DHX57: variants seen among roughly 807,000 people sequenced by gnomAD.
DHX57 encodes DExH-box helicase 57.
Under a neutral mutation model 156.2 loss-of-function variants are expected in DHX57, and 105 were observed. That is an observed-to-expected ratio of 0.67 (90% confidence interval 0.57 to 0.79). The LOEUF is 0.79. Ranked by LOEUF, DHX57 falls within the 30% of genes least tolerant of loss-of-function variation. DHX57 has a pLI of 0.00. For missense variants in DHX57, 1,847 were observed against 1,661.9 expected (o/e 1.11, Z -1.94); for synonymous variants, 704 against 595.6 (o/e 1.18, Z -2.65).
At chr2:38,875,468 C>A (rs1050958692) in intron 1 of DHX57, among the ~76,000 whole-genome samples, 1 of 152,174 alleles carries the variant, frequency 6.6e-6, no homozygotes, top group East Asian at 1.9e-4. Flanking sequence ...AGTCAGAGAA[C>A]GGAGCCTGAT....
At chr2:38,860,446 T>C (rs1342047939) in intron 5 of DHX57, among the ~76,000 whole-genome samples, 1 of 151,864 alleles carries the variant, frequency 6.6e-6, no homozygotes, top group Admixed American at 6.6e-5. Flanking sequence ...TGAAACTCCA[T>C]CTTAAAAAAA....
intron 11 of DHX57, among the ~76,000 whole-genome samples, chr2:38,843,773 G>A (rs1034232994): frequency 7.2e-5 from 11 of 152,192 alleles, no homozygotes; most frequent in Admixed American, 2.6e-4. Flanking sequence ...AGTTCTGTCT[G>A]CCACTAAACC....
chr2:38,873,938 C>T (rs551973392), intron 1 of DHX57, among the ~76,000 whole-genome samples: 21 of 152,158 alleles, frequency 1.4e-4, no homozygotes, highest in African/African-American at 4.6e-4. Context: ...AGTCATCCCT[C>T]GGTATACACA....
chr2:38,800,313 C>T (rs944147900), intron 23 of DHX57, among the ~76,000 whole-genome samples: 2 of 151,636 alleles, frequency 1.3e-5, no homozygotes, highest in Non-Finnish European at 2.9e-5. Flanking sequence ...GAGATTGCGC[C>T]ACTGCACTCC....
rs986360319 is a variant in DHX57, at chr2:38,814,718, A to C, written c.3606+803T>G. Among the ~76,000 whole-genome samples the C allele has an allele frequency of 2.4e-5, 3 of 124,076 alleles. No individual in the cohort carries two copies. The Admixed American group carries it at 2.6e-4, about 11-fold the overall frequency. 81.4% of individuals were successfully genotyped at this position (124,076 alleles called of 152,430 possible). ...ACCAAAAACAACAGCAACAATGAGC[A>C]GAAAACCCTGTTTTTTTTTTTGAGA... On this transcript the variant is annotated intron_variant, in intron 20 of 23. Coordinates refer to ENST00000457308, the MANE Select transcript of DHX57 (RefSeq NM_198963.3).
chr2:38,839,391 A>G (rs924304792), intron 12 of DHX57, among the ~76,000 whole-genome samples: 2 of 151,894 alleles, frequency 1.3e-5, no homozygotes, highest in African/African-American at 4.8e-5. Context: ...AACTTCCTAT[A>G]TGATGCTGAG....
At chr2:38,863,602 C>T (rs1673355554) in intron 2 of DHX57, 83 bp from the exon 3 acceptor site, 4 of 1,267,728 alleles carry the variant, frequency 3.2e-6, no homozygotes, top group Non-Finnish European at 4.4e-6. Flanking sequence ...CAGATATACA[C>T]AATACAAACT....
chr2:38,825,981 T>G lies in DHX57; in HGVS notation c.2880A>C (p.Gln960His). 6.2e-7 allele frequency: 1 copy of G among 1,614,214 alleles called. No homozygotes were observed. Among genetic ancestry groups the G allele is most frequent in the Non-Finnish European group, 8.5e-7 (1 of 1,180,038 alleles). ...CAACACGGCCTGCTCGGCCTTTCCT[T>G]TGTAGAGCATTAGCTTGAGATACAA... Reference protein sequence around the residue: ...DTFVSQANALQRKGRAGRVAS... With the variant: ...DTFVSQANALHRKGRAGRVAS... Residue 960 changes from glutamine to histidine, a missense_variant, in exon 16 of 24, where the codon CAA becomes CAC. Gln to His is a conservative substitution (Grantham distance 24). Transcript: ENST00000457308.
In DHX57 at chr2:38,861,803, G is replaced by C; in HGVS notation, c.607C>G (p.Leu203Val). 1 of 1,612,600 alleles carries C rather than the reference G, an allele frequency of 6.2e-7. No individual in the cohort carries two copies. The highest frequency in any genetic ancestry group is 1.3e-5 in the African/African-American group (1 of 75,010). The change falls in exon 5 of 24, where the codon CTG (leucine) becomes GTG (valine). Residue 203 changes from leucine to valine, a missense_variant. Physicochemically the swap from Leu to Val is conservative, Grantham distance 32. Transcript: ENST00000457308. Reference sequence around the variant, plus strand: ...CCCACATCTCCATCACACATCCTCAGGACCGCTTGACAGCGTTCAGTATTG... The same window carrying C: ...CCCACATCTCCATCACACATCCTCACGACCGCTTGACAGCGTTCAGTATTG... ...GFNTERCQAVLRMCDGDVGAS... is the reference protein window; with the variant it reads ...GFNTERCQAVVRMCDGDVGAS...
rs765106416 is a variant in DHX57, at chr2:38,826,004, CA to C, written c.2856del (p.Phe952LeufsTer36). 6.2e-7 allele frequency: 1 copy of C among 1,614,192 alleles called. No individual in the cohort carries two copies. The highest frequency in any genetic ancestry group is 1.6e-4 in the Middle Eastern group (1 of 6,062). Reference sequence around the variant, plus strand: ...CTTTGTAGAGCATTAGCTTGAGATACAAAGGTGTCCTCTAGACTTTCCATCC... The same window carrying C: ...CTTTGTAGAGCATTAGCTTGAGATACAAGGTGTCCTCTAGACTTTCCATCC... ...SKGMESLEDT[F>X]VSQANALQRK... On this transcript the variant is annotated frameshift_variant, in exon 16 of 24. Transcript: ENST00000457308. LOFTEE classifies it high-confidence loss of function.
At chr2:38,864,536 AT>A (rs1188172202) in intron 2 of DHX57, among the ~76,000 whole-genome samples, 1 of 152,086 alleles carries the variant, frequency 6.6e-6, no homozygotes, top group Non-Finnish European at 1.5e-5. Context: ...CAGCCTTTCT[AT>A]TTGTAAACTA....
At chr2:38,847,185 G>A (rs1672332957) in intron 10 of DHX57, 112 bp from the exon 11 acceptor site, 1 of 831,958 alleles carries the variant, frequency 1.2e-6, no homozygotes. Flanking sequence ...CGTCCTATTT[G>A]TTCTGTGGTC....
chr2:38,865,346 T>C (rs546182623), intron 2 of DHX57, among the ~76,000 whole-genome samples: 2 of 152,164 alleles, frequency 1.3e-5, no homozygotes, highest in Non-Finnish European at 2.9e-5. Context: ...CTGATGGTTT[T>C]ATAAGGGGTG....
intron 13 of DHX57, among the ~76,000 whole-genome samples, chr2:38,833,706 C>T (rs1259414839): frequency 6.6e-6 from 1 of 151,980 alleles, no homozygotes; most frequent in African/African-American, 2.4e-5. Flanking sequence ...TCAGTTGATC[C>T]TTGAACAACA....
chr2:38,873,105 A>G (rs1215391907), intron 1 of DHX57, among the ~76,000 whole-genome samples: 2 of 151,992 alleles, frequency 1.3e-5, no homozygotes, highest in Non-Finnish European at 2.9e-5. Context: ...CTCCTGCCTC[A>G]GCCTCCCGAG....
chr2:38,829,464 G>A (rs1163592541), intron 13 of DHX57, among the ~76,000 whole-genome samples: 1 of 151,152 alleles, frequency 6.6e-6, no homozygotes, highest in African/African-American at 2.4e-5. Flanking sequence ...GTAGAGACAG[G>A]TTTCACCATG....
intron 11 of DHX57, among the ~76,000 whole-genome samples, chr2:38,845,951 T>C (rs1344271264): frequency 6.6e-6 from 1 of 151,528 alleles, no homozygotes; most frequent in Non-Finnish European, 1.5e-5. Flanking sequence ...CTGCAACCTC[T>C]GCCTTCCAGG....
intron 6 of DHX57, among the ~76,000 whole-genome samples, chr2:38,858,107 G>A (rs1421117030): frequency 6.6e-6 from 1 of 152,160 alleles, no homozygotes; most frequent in Admixed American, 6.5e-5. Context: ...TGTTGCCCAG[G>A]CTGGAGTACA....
intron 3 of DHX57, 67 bp downstream of exon 3, chr2:38,863,294 C>T: frequency 6.6e-7 from 1 of 1,511,334 alleles, no homozygotes. Context: ...TCCAAAGATG[C>T]ACAGGACCTT....
Sources: allele counts gnomAD v4.1 joint callset (sites outside exome capture counted in the v4.1 genomes callset), GRCh38; gene constraint gnomAD v4.1.1; transcripts MANE v1.5; gene names NCBI Gene and HGNC (gene_info 2026-07-23, HGNC 2026-07-21).